Variants in SNX9 observed in about 807,000 individuals in gnomAD.
The protein encoded by SNX9 is sorting nexin-9.
In SNX9, 44 loss-of-function variants were observed where a neutral mutation model predicts 89.4. The ratio of observed to expected loss-of-function variants is 0.49; its 90% CI spans 0.39 to 0.63. The LOEUF (loss-of-function observed/expected upper bound fraction) is 0.63, where lower values mean the gene tolerates loss of function less well. Ranked by LOEUF, SNX9 falls within the 30% of genes least tolerant of loss-of-function variation. The pLI, the probability that SNX9 is intolerant of heterozygous loss-of-function variation, is 0.00. For synonymous variants in SNX9, 236 were observed against 247.8 expected, an observed-to-expected ratio of 0.95 and a Z score of 0.45; for missense variants, 578 against 736.1, an observed-to-expected ratio of 0.79 and a Z score of 2.49.
intron 10 of SNX9, among the ~76,000 whole-genome samples, chr6:157,924,160 G>T (rs562722664): frequency 3.9e-4 from 60 of 152,006 alleles, no homozygotes; most frequent in African/African-American, 1.1e-3. Context: ...TCATGCCACT[G>T]CACTCCAGCC....
chr6:157,875,256 T>C, intron 4 of SNX9, 80 bp downstream of exon 4: 4 of 1,490,172 alleles, frequency 2.7e-6, no homozygotes, highest in Admixed American at 2.3e-5. Context: ...TGATGCATTA[T>C]AGCTATTGCC....
intron 1 of SNX9, among the ~76,000 whole-genome samples, chr6:157,852,901 C>A (rs1781941941): frequency 6.6e-6 from 1 of 151,996 alleles, no homozygotes; most frequent in African/African-American, 2.4e-5. Context: ...ATTTTATTTC[C>A]CAGTATTATA....
chr6:157,940,108 C>A (rs1784006633), intron 16 of SNX9, among the ~76,000 whole-genome samples: 1 of 152,206 alleles, frequency 6.6e-6, no homozygotes, highest in Admixed American at 6.5e-5. Flanking sequence ...GCTTCCCGTA[C>A]TGAAGAAGGG....
At chr6:157,867,935 A>G (rs1249156441) in intron 2 of SNX9, among the ~76,000 whole-genome samples, 1 of 152,194 alleles carries the variant, frequency 6.6e-6, no homozygotes, top group Non-Finnish European at 1.5e-5. Flanking sequence ...TTTATCTTAC[A>G]ATTTTTTAAA....
chr6:157,846,605 C>A (rs1176104015), intron 1 of SNX9, among the ~76,000 whole-genome samples: 2 of 152,196 alleles, frequency 1.3e-5, no homozygotes, highest in Non-Finnish European at 2.9e-5. Flanking sequence ...TATTTAAATT[C>A]TTTAAAAAGG....
chr6:157,920,104 A>T (rs747846254), intron 9 of SNX9, among the ~76,000 whole-genome samples: 1 of 152,198 alleles, frequency 6.6e-6, no homozygotes, highest in Non-Finnish European at 1.5e-5. Context: ...TCCTCTGTCA[A>T]TGTAACTGTA....
Position 157,932,200 on chromosome 6 carries a change from C to T in SNX9, c.1294C>T (p.Pro432Ser). 1.2e-6 allele frequency: 2 copies of T among 1,614,000 alleles called. No homozygotes were observed. The highest frequency in any genetic ancestry group is 1.1e-5 in the South Asian group (1 of 91,082). Residue 432 changes from proline to serine, a missense_variant, in exon 13 of 18, where the codon CCC (proline) becomes TCC (serine). Physicochemically the swap from Pro to Ser is moderately conservative, Grantham distance 74 (BLOSUM62 -1). This residue lies in a region of SNX9 where 348 missense variants were observed against 491.4 expected (regional missense o/e 0.71). Coordinates refer to ENST00000392185, the MANE Select transcript of SNX9 (RefSeq NM_016224.5). ...EHWKRCTGPLPKEYQKIGKAL... is the reference protein window; with the variant it reads ...EHWKRCTGPLSKEYQKIGKAL... ...TATTCCTTTTTGTCTTTCAGCATTA[C>T]CCAAGGAATATCAGAAGATAGGAAA...
At chr6:157,831,021 A>G (rs1012925817) in intron 1 of SNX9, among the ~76,000 whole-genome samples, 2 of 152,120 alleles carry the variant, frequency 1.3e-5, no homozygotes, top group Non-Finnish European at 2.9e-5. Flanking sequence ...CTATTTTTAG[A>G]AATTGTATTT....
At chr6:157,841,784 A>G (rs1409353558) in intron 1 of SNX9, among the ~76,000 whole-genome samples, 1 of 152,250 alleles carries the variant, frequency 6.6e-6, no homozygotes, top group Non-Finnish European at 1.5e-5. Context: ...GAGGCAACAT[A>G]AAATGATAAG....
At chr6:157,840,422 T>TCC (rs748816290) in intron 1 of SNX9, among the ~76,000 whole-genome samples, 4 of 141,648 alleles carry the variant, frequency 2.8e-5, no homozygotes, top group Non-Finnish European at 3.1e-5. Context: ...TTTCTTTCTT[T>TCC]TCTTTCTTTT....
At chr6:157,913,147 A>G (rs1378610284) in intron 9 of SNX9, among the ~76,000 whole-genome samples, 4 of 152,204 alleles carry the variant, frequency 2.6e-5, no homozygotes, top group African/African-American at 9.6e-5. Context: ...TCCAAGGCAC[A>G]AGGCTTTGTT....
chr6:157,830,747 T>C (rs1781464289), intron 1 of SNX9, among the ~76,000 whole-genome samples: 1 of 152,228 alleles, frequency 6.6e-6, no homozygotes, highest in Non-Finnish European at 1.5e-5. Flanking sequence ...GGCTAATGGC[T>C]ACTTTATAGG....
chr6:157,936,014 G>A lies in SNX9; in HGVS notation c.1417G>A (p.Glu473Lys), dbSNP rs1783916598. The change falls in exon 14 of 18, where the codon GAA becomes AAA. Residue 473 changes from glutamate to lysine, a missense_variant. Glu to Lys is a moderately conservative substitution (Grantham distance 56). Coordinates refer to ENST00000392185, the MANE Select transcript of SNX9 (RefSeq NM_016224.5). ...AITEAGKTYE[E>K]IASLVAEQPK... The stretch of plus-strand genomic sequence containing the variant: ...AACAGAAGCAGGAAAGACTTATGAA[G>A]AAATTGCCAGTCTCGTGGCAGAACA... 1 of 1,612,492 alleles carries A rather than the reference G, an allele frequency of 6.2e-7. No homozygotes were observed. The highest frequency in any genetic ancestry group is 8.5e-7 in the Non-Finnish European group (1 of 1,179,238).
intron 4 of SNX9, among the ~76,000 whole-genome samples, chr6:157,877,184 T>C (rs1392103211): frequency 3.3e-5 from 5 of 152,262 alleles, no homozygotes; most frequent in Admixed American, 3.3e-4. Flanking sequence ...TTAGGAAATA[T>C]ATTCCTTGGT....
Position 157,867,614 on chromosome 6 carries a change from T to A in SNX9, c.80T>A (p.Ile27Asn). The change falls in exon 2 of 18, where the codon ATC becomes AAC. Residue 27 changes from isoleucine to asparagine, a missense_variant. By Grantham distance (149) the Ile-to-Asn change is moderately radical (BLOSUM62 -3). Transcript: ENST00000392185. The part of the protein sequence containing the change: ...NNELTVNEGE[I>N]ITITNPDVGG... ...GAACTGACGGTTAATGAAGGAGAAA[T>A]CATCACAATCACAAATCCGGTAAGA... 1 of 1,611,772 alleles carries A rather than the reference T, an allele frequency of 6.2e-7. No individual in the cohort carries two copies. Among genetic ancestry groups the A allele is most frequent in the Non-Finnish European group, 8.5e-7 (1 of 1,178,318 alleles).
rs570701086 is a variant in SNX9, at chr6:157,915,822, C to CAAAAAAAAAAAAAAAAAA, written c.950-5695_950-5694insAAAAAAAAAAAAAAAAAA. Among the ~76,000 whole-genome samples the CAAAAAAAAAAAAAAAAAA allele has an allele frequency of 1.6e-3, 142 of 89,292 alleles. 5 individuals carry two copies. Among genetic ancestry groups the CAAAAAAAAAAAAAAAAAA allele is most frequent in the Non-Finnish European group, 2.2e-3 (95 of 43,222 alleles). The allele number at this position is 89,292 out of a possible 152,430, so 58.6% of individuals were successfully genotyped here. On this transcript the variant is annotated intron_variant, in intron 9 of 17. Transcript: ENST00000392185. ...TCTGGGCGACAGAGTTAGACTCTGT[C>CAAAAAAAAAAAAAAAAAA]AAAAAAAAAAAAAAGATTTATATGT...
chr6:157,936,928 CAT>C (rs1333101877), intron 14 of SNX9, among the ~76,000 whole-genome samples: 7 of 152,160 alleles, frequency 4.6e-5, no homozygotes, highest in South Asian at 2.1e-4. Context: ...TGGATGCACA[CAT>C]GTGTACACAC....
At chr6:157,940,091 C>A (rs541142131) in intron 16 of SNX9, among the ~76,000 whole-genome samples, 3 of 152,324 alleles carry the variant, frequency 2.0e-5, no homozygotes, top group South Asian at 2.1e-4. Context: ...TGCTCAGGGG[C>A]AGCAAGGCTT....
At chr6:157,921,254 C>T (rs2235841) in intron 9 of SNX9, among the ~76,000 whole-genome samples, 43,665 of 151,944 alleles carry the variant, frequency 0.29, 7,182 homozygotes, top group African/African-American at 0.45. Context: ...AAAGTAGCAC[C>T]TTGAGGTTGT....
Sources: gnomAD v4.1 joint callset for allele counts (sites outside exome capture counted in the v4.1 genomes callset) on GRCh38, gnomAD v4.1.1 for gene constraint, gnomAD v4.1.1 regional missense constraint, MANE v1.5 for transcripts, NCBI Gene and HGNC (gene_info 2026-07-23, HGNC 2026-07-21) for gene names.